SIDT1: variants seen among roughly 807,000 people sequenced by gnomAD.
The protein encoded by SIDT1 is SID1 transmembrane family, member 1.
A neutral mutation model predicts 107.5 loss-of-function variants in SIDT1; 101 were observed. That is an observed-to-expected ratio of 0.94 (90% CI 0.80 to 1.11). SIDT1 has a LOEUF of 1.11. Ranked by LOEUF, SIDT1 falls within the 50% of genes least tolerant of loss-of-function variation. The probability of loss-of-function intolerance (pLI) is 0.00; values close to 1 mark genes in which losing one functional copy is unlikely to be tolerated. For synonymous variants in SIDT1, 395 were observed against 398.2 expected (o/e 0.99, Z 0.10); for missense variants, 1,076 against 1,058.2 (o/e 1.02, Z -0.23).
intron 4 of SIDT1, among the ~76,000 whole-genome samples, chr3:113,580,393 A>T (rs558972330): frequency 4.3e-4 from 65 of 152,366 alleles, no homozygotes; most frequent in Admixed American, 1.1e-3. Context: ...AACATTGCAT[A>T]AAATGGCTGT....
At chr3:113,566,829 C>T (rs1010019750) in intron 2 of SIDT1, among the ~76,000 whole-genome samples, 37 of 152,126 alleles carry the variant, frequency 2.4e-4, no homozygotes, top group African/African-American at 8.4e-4. Context: ...AACCAATAGC[C>T]CTCCAATGGG....
chr3:113,627,497 T>G (rs2107875435), intron 24 of SIDT1, 149 bp from the exon 25 acceptor site: 4 of 642,258 alleles, frequency 6.2e-6, no homozygotes, highest in Middle Eastern at 5.7e-4. Context: ...AAGTGCCTAT[T>G]AAGAGCAAAG....
chr3:113,541,196 A>G (rs1379940003), intron 1 of SIDT1, among the ~76,000 whole-genome samples: 2 of 151,694 alleles, frequency 1.3e-5, no homozygotes, highest in Non-Finnish European at 1.5e-5. Flanking sequence ...GCCTGATGAC[A>G]TTTCTCTCTG....
rs758781002 is a variant in SIDT1 at position 113,533,255 on chromosome 3, G to A, written c.222+12G>A. The A allele has an allele frequency of 2.8e-6, 4 of 1,433,760 alleles. No individual in the cohort carries two copies. The South Asian group carries it at 4.6e-5, about 16-fold the overall frequency. 88.8% of individuals were successfully genotyped at this position (1,433,760 alleles called of 1,614,324 possible). ...GCCAGCCCGACCAGGTAAGACACTC[G>A]CTCCCCTCGCTCGACTCCTAGAACT... On this transcript the variant is annotated intron_variant, in intron 1 of 24. Transcript: ENST00000264852.
downstream of SIDT1, among the ~76,000 whole-genome samples, chr3:113,633,455 G>A (rs1341986746): frequency 1.3e-5 from 2 of 152,186 alleles, no homozygotes; most frequent in Non-Finnish European, 2.9e-5. Context: ...ACCTTGAATG[G>A]AGACCAATTC....
chr3:113,637,105 C>T, the SIDT1 span, among the ~76,000 whole-genome samples: 2 of 152,058 alleles, frequency 1.3e-5, no homozygotes, highest in African/African-American at 2.4e-5. Context: ...GGGCCGGGCG[C>T]GGTGGCTCAC....
chr3:113,606,944 G>C, intron 14 of SIDT1, 97 bp from the exon 15 acceptor site: 1 of 765,478 alleles, frequency 1.3e-6, no homozygotes, highest in Non-Finnish European at 2.4e-6. Flanking sequence ...ACTAGTGACA[G>C]TGCATCTCCG....
At chr3:113,569,296 C>T (rs145179633) in intron 3 of SIDT1, among the ~76,000 whole-genome samples, 200 of 152,072 alleles carry the variant, frequency 1.3e-3, no homozygotes, top group Non-Finnish European at 2.1e-3. Flanking sequence ...CTATGTTTGA[C>T]GATAATTTAT....
At chr3:113,598,158 C>T (rs1169465648) in intron 10 of SIDT1, among the ~76,000 whole-genome samples, 1 of 152,114 alleles carries the variant, frequency 6.6e-6, no homozygotes, top group Non-Finnish European at 1.5e-5. Flanking sequence ...GCAGCTGCCT[C>T]AAAATGAACA....
intron 10 of SIDT1, among the ~76,000 whole-genome samples, chr3:113,597,700 G>A (rs1023017886): frequency 4.6e-5 from 7 of 152,138 alleles, no homozygotes; most frequent in African/African-American, 1.7e-4. Context: ...AAGCAAGCGT[G>A]CAAGCATATC....
the SIDT1 span, among the ~76,000 whole-genome samples, chr3:113,635,146 C>T: frequency 1.2e-4 from 19 of 152,274 alleles, no homozygotes; most frequent in East Asian, 1.3e-3. Flanking sequence ...GTTTCAAAAA[C>T]GAAACTTAAA....
intron 14 of SIDT1, 148 bp downstream of exon 14, chr3:113,605,124 C>CCTTTTTT (rs771289841): frequency 3.5e-6 from 1 of 288,046 alleles, no homozygotes; most frequent in Non-Finnish European, 6.2e-6. Flanking sequence ...ATTGCTTCCT[C>CCTTTTTT]TTTTTTTTTT....
chr3:113,580,537 G>T (rs943115921), intron 4 of SIDT1, 71 bp from the exon 5 acceptor site: 4 of 887,680 alleles, frequency 4.5e-6, no homozygotes, highest in Middle Eastern at 2.2e-4. Flanking sequence ...TATAAATTTT[G>T]TGCCTAATAG....
chr3:113,623,314 T>TAAAA (rs199727147), intron 21 of SIDT1, 113 bp from the exon 22 acceptor site: 2 of 464,800 alleles, frequency 4.3e-6, no homozygotes, highest in East Asian at 3.5e-5. Flanking sequence ...AAATAAAAGT[T>TAAAA]AAAAAAAAAA....
At chr3:113,548,083 T>C (rs1219608517) in intron 1 of SIDT1, among the ~76,000 whole-genome samples, 1 of 152,106 alleles carries the variant, frequency 6.6e-6, no homozygotes, top group Admixed American at 6.6e-5. Context: ...AAGTTTGCCC[T>C]CTCTCTGCCT....
chr3:113,613,258 A>C (rs1560128260), intron 19 of SIDT1, among the ~76,000 whole-genome samples: 1 of 152,158 alleles, frequency 6.6e-6, no homozygotes, highest in African/African-American at 2.4e-5. Flanking sequence ...CCTCAGGAGG[A>C]TACACAAGGG....
At chr3:113,553,775 G>T (rs535602551) in intron 1 of SIDT1, among the ~76,000 whole-genome samples, 1 of 152,198 alleles carries the variant, frequency 6.6e-6, no homozygotes, top group Non-Finnish European at 1.5e-5. Flanking sequence ...GCCAGGCGTG[G>T]TGGCTCACGC....
At chr3:113,535,932 T>C (rs1462960157) in intron 1 of SIDT1, among the ~76,000 whole-genome samples, 4 of 152,222 alleles carry the variant, frequency 2.6e-5, no homozygotes, top group African/African-American at 9.6e-5. Context: ...TCTTAGTTCT[T>C]CTTATCCTGC....
intron 1 of SIDT1, among the ~76,000 whole-genome samples, chr3:113,539,514 C>T (rs1938564667): frequency 9.4e-6 from 1 of 106,078 alleles, no homozygotes; most frequent in Non-Finnish European, 1.8e-5. Context: ...GGATTGGTAA[C>T]ATTTTCTAAG....
Sources: allele counts gnomAD v4.1 joint callset (sites outside exome capture counted in the v4.1 genomes callset), GRCh38; gene constraint gnomAD v4.1.1; transcripts MANE v1.5; gene names NCBI Gene and HGNC (gene_info 2026-07-23, HGNC 2026-07-21).